The following FMO4 variants were observed in gnomAD, a reference collection of about 807,000 sequenced individuals.
The protein encoded by FMO4 is flavin containing dimethylaniline monoxygenase 4.
A neutral mutation model predicts 43.3 loss-of-function variants in FMO4; 38 were observed. The observed-to-expected ratio is 0.88, with a 90% CI of 0.68 to 1.15. The LOEUF (loss-of-function observed/expected upper bound fraction) is 1.15. Ranked by LOEUF, FMO4 falls within the 50% of genes most tolerant of loss-of-function variation. The pLI is 0.00. For missense variants in FMO4, 631 were observed against 663.3 expected, an observed-to-expected ratio of 0.95 and a Z score of 0.54; for synonymous variants, 224 against 232.2, an observed-to-expected ratio of 0.96 and a Z score of 0.32.
chr1:171,319,752 C>CT lies in FMO4; in HGVS notation c.-8-62dup. On this transcript the variant is annotated intron_variant, in intron 2 of 9. Coordinates refer to ENST00000367749, the MANE Select transcript of FMO4 (RefSeq NM_002022.3). ...ATATATAGCACTACAAAAATTGAGT[C>CT]TTTTGACAAGGGCTCCCTTCCAAAC... 2.0e-6 allele frequency: 3 copies of CT among 1,488,858 alleles called. No individual in the cohort carries two copies. In the South Asian group the frequency reaches 3.6e-5, roughly 18 times the overall value. The allele number at this position is 1,488,858 out of a possible 1,614,324, so 92.2% of individuals were successfully genotyped here. A position where few individuals can be genotyped will look rare whatever the true frequency, so the allele number is the denominator to read the frequency against.
At chr1:171,330,859 G>C (rs777735517) in intron 5 of FMO4, among the ~76,000 whole-genome samples, 4 of 152,186 alleles carry the variant, frequency 2.6e-5, no homozygotes, top group African/African-American at 9.7e-5. Context: ...TATCATTATA[G>C]CTGTGCTTCT....
intron 8 of FMO4, 21 bp downstream of exon 8, chr1:171,334,784 G>C: frequency 7.0e-7 from 1 of 1,434,372 alleles, no homozygotes; most frequent in Non-Finnish European, 9.4e-7. Flanking sequence ...TCTACTGAAA[G>C]TCCTCTCTTT....
chr1:171,333,053 G>C, intron 7 of FMO4, 145 bp downstream of exon 7: 1 of 580,202 alleles, frequency 1.7e-6, no homozygotes, highest in East Asian at 2.9e-5. Flanking sequence ...CTGTTCATCA[G>C]GTACCACAGC....
At chr1:171,319,714 A>T (rs1662326302) in intron 2 of FMO4, 104 bp from the exon 3 acceptor site, 2 of 901,306 alleles carry the variant, frequency 2.2e-6, no homozygotes, top group Non-Finnish European at 3.4e-6. Flanking sequence ...CCACTCAAAG[A>T]TGAAAAAAAG....
At chr1:171,340,800 CT>C (rs1247926029) in intron 9 of FMO4, among the ~76,000 whole-genome samples, 1 of 151,988 alleles carries the variant, frequency 6.6e-6, no homozygotes, top group Non-Finnish European at 1.5e-5. Flanking sequence ...CCATCTTTTT[CT>C]TTTTAGCCCT....
At chr1:171,316,864 A>C (rs1662221352) in intron 2 of FMO4, among the ~76,000 whole-genome samples, 1 of 152,294 alleles carries the variant, frequency 6.6e-6, no homozygotes, top group Admixed American at 6.5e-5. Flanking sequence ...GGTAAGTCTA[A>C]GGGTTCCTGG....
At chr1:171,334,800 G>A (rs749810774) in intron 8 of FMO4, 37 bp downstream of exon 8, 38 of 1,236,686 alleles carry the variant, frequency 3.1e-5, no homozygotes, top group Non-Finnish European at 3.4e-5. Flanking sequence ...TCTTTGGATC[G>A]TAAAATTGGT....
intron 1 of FMO4, among the ~76,000 whole-genome samples, chr1:171,315,417 C>T (rs1662158852): frequency 6.6e-6 from 1 of 151,880 alleles, no homozygotes; most frequent in Admixed American, 6.5e-5. Context: ...TTCTCGCCTA[C>T]CTTTGAATTC....
Position 171,324,276 on chromosome 1 carries a change from C to A in FMO4, c.460C>A (p.His154Asn). 1 of 1,610,418 alleles carries A rather than the reference C, an allele frequency of 6.2e-7. No homozygotes were observed. The highest frequency in any genetic ancestry group is 8.5e-7 in the Non-Finnish European group (1 of 1,178,336). The change falls in exon 5 of 10, where the codon CAT (histidine) becomes AAT (asparagine). Residue 154 changes from histidine (H) to asparagine (N), a missense_variant. Coordinates refer to ENST00000367749, the MANE Select transcript of FMO4 (RefSeq NM_002022.3). Reference protein sequence around the residue: ...MVCTGHFLNPHLPLEAFPGIH... With the variant: ...MVCTGHFLNPNLPLEAFPGIH... Reference sequence around the variant, plus strand: ...TTGCACTGGACATTTCCTGAATCCCCATTTACCTTTGGAAGCCTTTCCTGG... The same window carrying A: ...TTGCACTGGACATTTCCTGAATCCCAATTTACCTTTGGAAGCCTTTCCTGG...
At chr1:171,318,614 A>G (rs1374548299) in intron 2 of FMO4, among the ~76,000 whole-genome samples, 1 of 152,130 alleles carries the variant, frequency 6.6e-6, no homozygotes, top group Non-Finnish European at 1.5e-5. Flanking sequence ...TCTAGTGAGC[A>G]TTTCTTTTGA....
At chr1:171,323,900 C>T (rs1200097201) in intron 4 of FMO4, among the ~76,000 whole-genome samples, 4 of 152,294 alleles carry the variant, frequency 2.6e-5, no homozygotes, top group Admixed American at 6.5e-5. Context: ...AGGAATAAAA[C>T]GTGATTGTTT....
intron 2 of FMO4, among the ~76,000 whole-genome samples, chr1:171,319,607 C>G (rs1362449080): frequency 6.6e-6 from 1 of 152,030 alleles, no homozygotes; most frequent in African/African-American, 2.4e-5. Context: ...GGATAGTTAG[C>G]CCAAGATCAC....
chr1:171,328,757 A>T (rs918285262), intron 5 of FMO4, among the ~76,000 whole-genome samples: 2 of 152,136 alleles, frequency 1.3e-5, no homozygotes, highest in African/African-American at 4.8e-5. Context: ...GTGTTGAAAG[A>T]ACAGGCTATA....
Position 171,323,047 on chromosome 1 carries a change from T to C in FMO4, c.176T>C (p.Val59Ala), listed in dbSNP as rs1320023124. 8 of 1,613,444 alleles carry C rather than the reference T, an allele frequency of 5.0e-6. No homozygotes were observed. The highest frequency in any genetic ancestry group is 1.3e-5 in the African/African-American group (1 of 74,902). The change falls in exon 4 of 10, where the codon GTG becomes GCG. Residue 59 changes from valine (V) to alanine (A), a missense_variant. Physicochemically the swap from Val to Ala is moderately conservative, Grantham distance 64 (BLOSUM62 0). Transcript: ENST00000367749. ...DGMTRVYKSL[V>A]TNVCKEMSCY... is the part of the protein sequence containing the mutation. ...ATGACCAGGGTCTATAAGTCATTAG[T>C]GACAAATGTCTGTAAGGAAATGTCA... is the stretch of plus-strand genomic sequence containing the variant.
intron 7 of FMO4, among the ~76,000 whole-genome samples, chr1:171,333,370 C>T (rs1408966225): frequency 6.6e-6 from 1 of 152,118 alleles, no homozygotes; most frequent in Non-Finnish European, 1.5e-5. Context: ...ACTACAGGCA[C>T]AGGCCACCTC....
chr1:171,341,954 T>C lies in FMO4; in HGVS notation c.*115T>C. The C allele has an allele frequency of 1.4e-6, 1 of 721,886 alleles. No individual in the cohort carries two copies. Among genetic ancestry groups the C allele is most frequent in the Admixed American group, 2.8e-5 (1 of 35,316 alleles). The allele number at this position is 721,886 out of a possible 1,614,324, so 44.7% of individuals were successfully genotyped here. On this transcript the variant is annotated 3_prime_UTR_variant, in exon 10 of 10. Transcript: ENST00000367749. Reference sequence around the variant, plus strand: ...TATTAGCCAAATTCAGGCCCAGTCATCTCCTATCTGAATTATTGTATTATC... The same window carrying C: ...TATTAGCCAAATTCAGGCCCAGTCACCTCCTATCTGAATTATTGTATTATC...
In FMO4 at chr1:171,341,842, C is replaced by A; in HGVS notation, c.*3C>A. On this transcript the variant is annotated 3_prime_UTR_variant, in exon 10 of 10. Coordinates refer to ENST00000367749, the MANE Select transcript of FMO4 (RefSeq NM_002022.3). The stretch of plus-strand genomic sequence containing the variant: ...TAGTAAGTCTTTGGCGAGGATGAAC[C>A]TGATTGTTACAAGGGTTACACAAAG... 1 of 1,604,986 alleles carries A rather than the reference C, an allele frequency of 6.2e-7. No homozygotes were observed. The highest frequency in any genetic ancestry group is 8.5e-7 in the Non-Finnish European group (1 of 1,175,060).
chr1:171,322,497 C>T (rs1179579971), intron 3 of FMO4, among the ~76,000 whole-genome samples: 1 of 152,166 alleles, frequency 6.6e-6, no homozygotes, highest in Admixed American at 6.5e-5. Context: ...TACAATCCCA[C>T]CAATGATTTC....
At position 171,327,156 on chromosome 1, in the gene FMO4, G is replaced by A. The variant is rs375236760; in HGVS notation, c.484+2856G>A. 1.2e-4 allele frequency among the ~76,000 whole-genome samples: 18 copies of A among 152,274 alleles called. 1 individual carries two copies. The South Asian group carries it at 3.5e-3, about 30-fold the overall frequency. Reference sequence around the variant, plus strand: ...GGCTGAAAGTCCCACTCTCTAATGCGTTTGATGCATATTCTGTTCCCACTT... The same window carrying A: ...GGCTGAAAGTCCCACTCTCTAATGCATTTGATGCATATTCTGTTCCCACTT... On this transcript the variant is annotated intron_variant, in intron 5 of 9. Coordinates refer to ENST00000367749, the MANE Select transcript of FMO4 (RefSeq NM_002022.3).
Sources: gnomAD v4.1 joint callset for allele counts (sites outside exome capture counted in the v4.1 genomes callset) on GRCh38, gnomAD v4.1.1 for gene constraint, MANE v1.5 for transcripts, NCBI Gene and HGNC (gene_info 2026-07-23, HGNC 2026-07-21) for gene names.